The following CEP63 variants were observed in gnomAD, a reference collection of about 807,000 sequenced individuals.
CEP63 encodes the protein centrosomal protein 63.
CEP63 carries 84 observed loss-of-function variants against 89.1 expected under a neutral mutation model. That is an observed-to-expected ratio of 0.94 (90% CI 0.79 to 1.13). The LOEUF is 1.13. CEP63 is among the 50% of genes most tolerant of loss of function. The pLI is 0.00. For synonymous variants in CEP63, 267 were observed against 272.5 expected, an observed-to-expected ratio of 0.98 and a Z score of 0.20; for missense variants, 838 against 813.3, an observed-to-expected ratio of 1.03 and a Z score of -0.37.
At chr3:134,652,658 G>A in the CEP63 span, among the ~76,000 whole-genome samples, 461 of 116,368 alleles carry the variant, frequency 4.0e-3, 1 homozygote, top group African/African-American at 0.011. Flanking sequence ...ACACACACAC[G>A]CGCGCGCGCA....
At chr3:134,642,360 A>T in the CEP63 span, among the ~76,000 whole-genome samples, 1 of 152,224 alleles carries the variant, frequency 6.6e-6, no homozygotes. Context: ...CTCTCAGAGC[A>T]AGCGTGATGA....
intron 14 of CEP63, among the ~76,000 whole-genome samples, chr3:134,560,123 T>C (rs184829522): frequency 2.3e-3 from 349 of 152,356 alleles, no homozygotes; most frequent in Admixed American, 3.7e-3. Flanking sequence ...ACTTTCTTCC[T>C]AAGTTTAGCA....
At chr3:134,577,713 C>T (rs1481646055), downstream of CEP63, among the ~76,000 whole-genome samples, 1 of 152,008 alleles carries the variant, frequency 6.6e-6, no homozygotes, top group Non-Finnish European at 1.5e-5. Flanking sequence ...GTCAACCCAT[C>T]ATCTAGGTTT....
At chr3:134,768,378 C>T in the CEP63 span, among the ~76,000 whole-genome samples, 2 of 152,188 alleles carry the variant, frequency 1.3e-5, no homozygotes, top group African/African-American at 4.8e-5. Context: ...CAGACTTTGC[C>T]TACAGATTTG....
At chr3:134,586,142 A>G (rs147423616) in intron 10 of CEP63, among the ~76,000 whole-genome samples, 56 of 140,038 alleles carry the variant, frequency 4.0e-4, no homozygotes, top group Non-Finnish European at 7.4e-4. Context: ...GGTCTTGACT[A>G]TCTAATTTTC....
the CEP63 span, among the ~76,000 whole-genome samples, chr3:134,723,970 G>A: frequency 6.6e-6 from 1 of 152,170 alleles, no homozygotes; most frequent in Non-Finnish European, 1.5e-5. Context: ...ACAGGGCTAC[G>A]GCTTAGATCC....
At chr3:134,536,929 A>G (rs548199533) in intron 5 of CEP63, 3 of 518,720 alleles carry the variant, frequency 5.8e-6, no homozygotes, top group African/African-American at 5.7e-5. Flanking sequence ...ACTCCTCACC[A>G]TCAGGGTGTT....
In CEP63 at chr3:134,562,217, G is replaced by T; in HGVS notation, c.*682G>T. The T allele has an allele frequency of 7.1e-6, 7 of 985,938 alleles. No individual in the cohort carries two copies. Among genetic ancestry groups the T allele is most frequent in the Non-Finnish European group, 7.2e-6 (6 of 830,108 alleles). 61.1% of individuals were successfully genotyped at this position (985,938 alleles called of 1,614,324 possible). A position where few individuals can be genotyped will look rare whatever the true frequency, so the allele number is the denominator to read the frequency against. On this transcript the variant is annotated 3_prime_UTR_variant, in exon 15 of 15. Coordinates refer to ENST00000675561, the MANE Select transcript of CEP63 (RefSeq NM_001353108.3). ...AATGTTCATCGTCTGCACTGCTGAG[G>T]ACAAGTTTAGATGGGAGACAAAGAT...
At chr3:134,646,325 G>C in the CEP63 span, among the ~76,000 whole-genome samples, 1 of 152,178 alleles carries the variant, frequency 6.6e-6, no homozygotes, top group Non-Finnish European at 1.5e-5. Flanking sequence ...CCTGGCAGTG[G>C]TGGGGTGGGG....
chr3:134,510,972 G>T, intron 3 of CEP63: 1 of 105,278 alleles, frequency 9.5e-6, no homozygotes, highest in South Asian at 1.9e-4. Context: ...GTCCACCTTT[G>T]ATTTTTTTTT....
At chr3:134,655,954 A>G in the CEP63 span, among the ~76,000 whole-genome samples, 1 of 152,152 alleles carries the variant, frequency 6.6e-6, no homozygotes, top group East Asian at 1.9e-4. Context: ...AGTCTTCAGG[A>G]GCAGTAGCCC....
chr3:134,640,515 T>C, the CEP63 span, among the ~76,000 whole-genome samples: 1 of 152,236 alleles, frequency 6.6e-6, no homozygotes, highest in African/African-American at 2.4e-5. Context: ...CCACCTCTGG[T>C]CAACGCTATT....
chr3:134,608,916 C>T, the CEP63 span: 38 of 1,490,894 alleles, frequency 2.5e-5, 1 homozygote, highest in East Asian at 8.8e-4. Flanking sequence ...CCGGAGTGGT[C>T]CTATGGACAC....
chr3:134,595,718 A>G, the CEP63 span, among the ~76,000 whole-genome samples: 1 of 152,068 alleles, frequency 6.6e-6, no homozygotes. Context: ...TCAATCCTTC[A>G]TGGCTTGGCT....
downstream of CEP63, among the ~76,000 whole-genome samples, chr3:134,578,338 T>TTTTTTTG (rs1958264849): frequency 2.2e-5 from 3 of 137,824 alleles, no homozygotes; most frequent in Non-Finnish European, 3.1e-5. Context: ...TTTTTTTTTT[T>TTTTTTTG]TTTTTTTTTG....
the CEP63 span, among the ~76,000 whole-genome samples, chr3:134,671,558 G>A: frequency 6.6e-6 from 1 of 152,212 alleles, no homozygotes; most frequent in Admixed American, 6.5e-5. Flanking sequence ...TTCCAGTGGC[G>A]AGCATGTGGG....
the CEP63 span, chr3:134,651,406 C>A: frequency 1.2e-5 from 13 of 1,086,006 alleles, no homozygotes; most frequent in East Asian, 8.1e-4. Context: ...CCACGAGAAG[C>A]CCCTGGCAAA....
At chr3:134,720,204 C>G in the CEP63 span, among the ~76,000 whole-genome samples, 1 of 152,218 alleles carries the variant, frequency 6.6e-6, no homozygotes, top group South Asian at 2.1e-4. Context: ...TTGCATTTCT[C>G]TAATAACCAA....
rs149130783 is a variant in CEP63 at position 134,546,079 on chromosome 3, C to A, written c.790-70C>A. On this transcript the variant is annotated intron_variant, in intron 7 of 14. Coordinates refer to ENST00000675561, the MANE Select transcript of CEP63 (RefSeq NM_001353108.3). ...GTAATAATAGCTGGCTTAGAAATTT[C>A]TGAGTATTTTGCAGGTTCTGCAGGA... 7.3e-4 allele frequency: 1,116 copies of A among 1,528,688 alleles called. 12 individuals carry two copies. In the African/African-American group the frequency reaches 0.013, roughly 18 times the overall value. The allele number at this position is 1,528,688 out of a possible 1,614,324, so 94.7% of individuals were successfully genotyped here.
Sources: allele counts gnomAD v4.1 joint callset (sites outside exome capture counted in the v4.1 genomes callset), GRCh38; gene constraint gnomAD v4.1.1; transcripts MANE v1.5; gene names NCBI Gene and HGNC (gene_info 2026-07-23, HGNC 2026-07-21).